EVA1C: variants seen among roughly 807,000 people sequenced by gnomAD.
EVA1C encodes the protein protein eva-1 homolog C.
A neutral mutation model predicts 45.4 loss-of-function variants in EVA1C; 25 were observed. The observed-to-expected ratio is 0.55, with a 90% CI of 0.40 to 0.77. The LOEUF (loss-of-function observed/expected upper bound fraction) is 0.77. Ranked by LOEUF, EVA1C falls within the 30% of genes least tolerant of loss-of-function variation. The pLI, the probability that EVA1C is intolerant of heterozygous loss-of-function variation, is 0.00. For missense variants in EVA1C, 479 were observed against 554.8 expected, an observed-to-expected ratio of 0.86 and a Z score of 1.37; for synonymous variants, 190 against 221.2, an observed-to-expected ratio of 0.86 and a Z score of 1.25.
At chr21:32,509,925 C>T (rs2037890422) in intron 7 of EVA1C, among the ~76,000 whole-genome samples, 1 of 151,314 alleles carries the variant, frequency 6.6e-6, no homozygotes, top group South Asian at 2.1e-4. Context: ...AGAGAGGAAG[C>T]GGAAGTTCTC....
intron 1 of EVA1C, among the ~76,000 whole-genome samples, chr21:32,447,370 G>A (rs1184053874): frequency 6.6e-6 from 1 of 152,038 alleles, no homozygotes; most frequent in Non-Finnish European, 1.5e-5. Context: ...CTCCGTCTCG[G>A]TGGGGGGAAA....
intron 3 of EVA1C, among the ~76,000 whole-genome samples, chr21:32,458,203 G>T (rs1016612917): frequency 2.6e-5 from 4 of 152,124 alleles, no homozygotes; most frequent in African/African-American, 9.7e-5. Flanking sequence ...CCCACGGCAG[G>T]GGCTCCTTGT....
Position 32,514,919 on chromosome 21 carries a change from G to A in EVA1C, c.1055G>A (p.Arg352His), listed in dbSNP as rs756215760. The A allele has an allele frequency of 4.8e-5, 78 of 1,614,004 alleles. No individual in the cohort carries two copies. The highest frequency in any genetic ancestry group is 1.7e-4 in the Middle Eastern group (1 of 6,058). ...VIRESCAKDF[R>H]DLQLGREQLV... ...AGAGAGTCCTGTGCCAAGGACTTCC[G>A]CGACTTGCAGCTGGGGAGGGAGCAG... Residue 352 changes from arginine (R) to histidine (H), a missense_variant, in exon 8 of 8, where the codon CGC becomes CAC. Arg to His is a conservative substitution (Grantham distance 29, BLOSUM62 0). This residue lies in a region of EVA1C where 366 missense variants were observed against 426.1 expected (regional missense o/e 0.86). Transcript: ENST00000300255.
rs952979620 is a variant in EVA1C, at chr21:32,412,820, G to C, written c.-34G>C. On this transcript the variant is annotated 5_prime_UTR_variant, in exon 1 of 8. Coordinates refer to ENST00000300255, the MANE Select transcript of EVA1C (RefSeq NM_058187.5). Reference sequence around the variant, plus strand: ...AGCCCTGCGACCCCCAGCGCGTCCCGGGCCTGCGCCTCCGCCCCGCCGCGC... The same window carrying C: ...AGCCCTGCGACCCCCAGCGCGTCCCCGGCCTGCGCCTCCGCCCCGCCGCGC... 3.7e-6 allele frequency: 5 copies of C among 1,363,836 alleles called. No individual in the cohort carries two copies. The highest frequency in any genetic ancestry group is 1.8e-5 in the South Asian group (1 of 56,864). 84.5% of individuals were successfully genotyped at this position (1,363,836 alleles called of 1,614,324 possible). A position where few individuals can be genotyped will look rare whatever the true frequency, so the allele number is the denominator to read the frequency against.
rs928530613 is a variant in EVA1C at position 32,497,766 on chromosome 21, T to C, written c.778+2596T>C. Among the ~76,000 whole-genome samples the C allele has an allele frequency of 2.0e-5, 3 of 152,268 alleles. No individual in the cohort carries two copies. The South Asian group carries it at 6.2e-4, about 32-fold the overall frequency. On this transcript the variant is annotated intron_variant, in intron 5 of 7. Transcript: ENST00000300255. ...ACATGGCTAGGAGGTCTCACAGTCATGGCGGAAGGCAAGGAGGAACAAGTC... is the reference window on the plus strand; with the variant it reads ...ACATGGCTAGGAGGTCTCACAGTCACGGCGGAAGGCAAGGAGGAACAAGTC...
chr21:32,478,256 T>C (rs1359733445), intron 4 of EVA1C, among the ~76,000 whole-genome samples: 1 of 152,014 alleles, frequency 6.6e-6, no homozygotes, highest in Non-Finnish European at 1.5e-5. Context: ...TCTCACTCTG[T>C]CGCCCAGGCT....
intron 3 of EVA1C, among the ~76,000 whole-genome samples, chr21:32,459,883 C>T (rs572230188): frequency 7.0e-6 from 1 of 142,314 alleles, no homozygotes; most frequent in Admixed American, 7.1e-5. Context: ...AAGATATTAA[C>T]AATTGGAGAC....
chr21:32,507,784 C>T (rs2037801719), intron 7 of EVA1C, among the ~76,000 whole-genome samples: 1 of 148,450 alleles, frequency 6.7e-6, no homozygotes, highest in African/African-American at 2.5e-5. Flanking sequence ...ATGTGTATCT[C>T]TGTGCATATG....
At chr21:32,503,020 T>C (rs2037609165) in intron 6 of EVA1C, among the ~76,000 whole-genome samples, 1 of 152,120 alleles carries the variant, frequency 6.6e-6, no homozygotes, top group African/African-American at 2.4e-5. Flanking sequence ...CTGTGCCGTC[T>C]CTCCTCAAAG....
At chr21:32,461,338 G>T (rs531810186) in intron 3 of EVA1C, among the ~76,000 whole-genome samples, 6 of 152,340 alleles carry the variant, frequency 3.9e-5, no homozygotes, top group Admixed American at 2.6e-4. Context: ...GTGCTGTGAT[G>T]AAGTCATAAA....
At chr21:32,508,152 TAGAC>T (rs2037836123) in intron 7 of EVA1C, among the ~76,000 whole-genome samples, 1 of 152,230 alleles carries the variant, frequency 6.6e-6, no homozygotes, top group South Asian at 2.1e-4. Context: ...CTTACGTATT[TAGAC>T]AGTCTTGCAT....
chr21:32,455,582 A>G (rs1469159664), intron 2 of EVA1C, among the ~76,000 whole-genome samples: 1 of 152,042 alleles, frequency 6.6e-6, no homozygotes. Context: ...CCATCCTTGG[A>G]TCCCAGGCTA....
intron 5 of EVA1C, among the ~76,000 whole-genome samples, chr21:32,501,028 G>A (rs777353118): frequency 6.6e-6 from 1 of 152,000 alleles, no homozygotes; most frequent in Admixed American, 6.6e-5. Context: ...GGCCAGGCTG[G>A]TCTCGAACTC....
chr21:32,470,639 C>G (rs2036335530), intron 4 of EVA1C, among the ~76,000 whole-genome samples: 1 of 152,228 alleles, frequency 6.6e-6, no homozygotes, highest in South Asian at 2.1e-4. Context: ...CCTCCTTTCT[C>G]CCTGCTACTG....
chr21:32,415,342 A>C (rs1286657787), intron 1 of EVA1C, among the ~76,000 whole-genome samples: 1 of 152,190 alleles, frequency 6.6e-6, no homozygotes, highest in Non-Finnish European at 1.5e-5. Context: ...AGCAGAGGAT[A>C]GAGGAAACTT....
intron 5 of EVA1C, among the ~76,000 whole-genome samples, chr21:32,498,439 C>CA (rs552076847): frequency 0.019 from 1,547 of 79,646 alleles, 39 homozygotes; most frequent in Admixed American, 0.082. Context: ...AACTCTGTCT[C>CA]AAAAAAAAAA....
rs2033939300 is a variant in EVA1C at position 32,414,077 on chromosome 21, G to GT, written c.160+1066dup. Among the ~76,000 whole-genome samples, 4 of 152,348 alleles carry GT rather than the reference G, an allele frequency of 2.6e-5. No individual in the cohort carries two copies. In the South Asian group the frequency reaches 8.3e-4, roughly 32 times the overall value. On this transcript the variant is annotated intron_variant, in intron 1 of 7. Transcript: ENST00000300255. ...AGGGCAAACCAGAAGTTGAGATGGGGTTCTAGTTTACTTACAGAGAATGTC... is the reference window on the plus strand; with the variant it reads ...AGGGCAAACCAGAAGTTGAGATGGGGTTTCTAGTTTACTTACAGAGAATGTC...
rs114156576 is a variant in EVA1C, at chr21:32,498,415, G to A, written c.779-3000G>A. On this transcript the variant is annotated intron_variant, in intron 5 of 7. Transcript: ENST00000300255. The stretch of plus-strand genomic sequence containing the variant: ...TGAGCTGAGATCTCGTCACTGCTTG[G>A]GTGACAAGGGTGAAACTCTGTCTCA... Among the ~76,000 whole-genome samples, 1,289 of 150,572 alleles carry A rather than the reference G, an allele frequency of 8.6e-3. 21 individuals carry two copies. Among genetic ancestry groups the A allele is most frequent in the African/African-American group, 0.03 (1,239 of 40,732 alleles).
chr21:32,462,221 T>TAAAAA lies in EVA1C; in HGVS notation c.481+4517_481+4521dup, dbSNP rs769281297. Among the ~76,000 whole-genome samples, 433 of 106,300 alleles carry TAAAAA rather than the reference T, an allele frequency of 4.1e-3. 5 individuals are homozygous for TAAAAA. The highest frequency in any genetic ancestry group is 0.029 in the Admixed American group (296 of 10,192). 69.7% of individuals were successfully genotyped at this position (106,300 alleles called of 152,430 possible). A position where few individuals can be genotyped will look rare whatever the true frequency, so the allele number is the denominator to read the frequency against. On this transcript the variant is annotated intron_variant, in intron 3 of 7. Coordinates refer to ENST00000300255, the MANE Select transcript of EVA1C (RefSeq NM_058187.5). ...GGTAACATAGGGAGACCCCTATCTC[T>TAAAAA]AAAAAAAAAAAAAAAAAAAACAATT... is the stretch of plus-strand genomic sequence containing the variant.
Sources: allele counts gnomAD v4.1 joint callset (sites outside exome capture counted in the v4.1 genomes callset), GRCh38; gene constraint gnomAD v4.1.1; regional missense constraint gnomAD v4.1.1; transcripts MANE v1.5; gene names NCBI Gene and HGNC (gene_info 2026-07-23, HGNC 2026-07-21).